The following ITGA1 variants were observed in gnomAD, a reference collection of about 807,000 sequenced individuals.
ITGA1 encodes the protein integrin alpha-1.
A neutral mutation model predicts 145.9 loss-of-function variants in ITGA1; 85 were observed. The ratio of observed to expected loss-of-function variants is 0.58; its 90% CI spans 0.49 to 0.70. The LOEUF (loss-of-function observed/expected upper bound fraction) is 0.70. ITGA1 is among the 30% of genes least tolerant of loss of function. The pLI is 0.00. For missense variants in ITGA1, 1,351 were observed against 1,418.7 expected (o/e 0.95, Z 0.77); for synonymous variants, 520 against 495.3 (o/e 1.05, Z -0.66).
intron 6 of ITGA1, among the ~76,000 whole-genome samples, chr5:52,871,615 T>G (rs577656199): frequency 7.6e-6 from 1 of 132,236 alleles, no homozygotes; most frequent in Non-Finnish European, 1.6e-5. Context: ...AAAACAAAAA[T>G]AAAAAAAAAG....
In ITGA1 at chr5:52,918,806, G is replaced by T. The variant is rs770587927; in HGVS notation, c.2063G>T (p.Cys688Phe). ...PNKVNIQKKN[C>F]HMEGKETVCI... is the part of the protein sequence containing the mutation. ...AAAGTGAATATTCAAAAGAAAAACT[G>T]CCATATGGAGGGAAAGGAAACAGTA... Residue 688 changes from cysteine to phenylalanine, a missense_variant, in exon 16 of 29, where the codon TGC becomes TTC. By Grantham distance (205) the Cys-to-Phe change is radical. Coordinates refer to ENST00000282588, the MANE Select transcript of ITGA1 (RefSeq NM_181501.2). The T allele has an allele frequency of 6.2e-7, 1 of 1,612,550 alleles. No individual in the cohort carries two copies. Among genetic ancestry groups the T allele is most frequent in the Admixed American group, 1.7e-5 (1 of 59,800 alleles).
chr5:52,828,558 G>T (rs1749005527), intron 1 of ITGA1, among the ~76,000 whole-genome samples: 1 of 152,126 alleles, frequency 6.6e-6, no homozygotes, highest in South Asian at 2.1e-4. Flanking sequence ...GACTCAAGAG[G>T]ACTTTAGTTG....
intron 7 of ITGA1, among the ~76,000 whole-genome samples, chr5:52,883,748 TTTAA>T (rs1750002660): frequency 6.6e-6 from 1 of 152,188 alleles, no homozygotes; most frequent in Non-Finnish European, 1.5e-5. Flanking sequence ...CTTGATATAT[TTTAA>T]TTTTTTAAAG....
At chr5:52,935,751 C>T (rs1277743815) in intron 23 of ITGA1, among the ~76,000 whole-genome samples, 1 of 152,090 alleles carries the variant, frequency 6.6e-6, no homozygotes, top group Non-Finnish European at 1.5e-5. Flanking sequence ...TAGCATAATA[C>T]ATTTTACAGA....
At chr5:52,861,991 G>A (rs184661470) in intron 3 of ITGA1, among the ~76,000 whole-genome samples, 69 of 152,134 alleles carry the variant, frequency 4.5e-4, no homozygotes, top group African/African-American at 1.3e-3. Context: ...GCCGAGGCAG[G>A]CGGATCACCT....
intron 26 of ITGA1, among the ~76,000 whole-genome samples, chr5:52,942,972 C>A (rs1751077007): frequency 6.6e-6 from 1 of 152,058 alleles, no homozygotes; most frequent in Non-Finnish European, 1.5e-5. Flanking sequence ...AGTTTTTTGG[C>A]AGAGTCTTAA....
Position 52,855,723 on chromosome 5 carries a change from A to G in ITGA1, c.183-5724A>G, listed in dbSNP as rs376562490. Among the ~76,000 whole-genome samples, 12 of 152,286 alleles carry G rather than the reference A, an allele frequency of 7.9e-5. No individual in the cohort carries two copies. The East Asian group carries it at 1.7e-3, about 22-fold the overall frequency. ...CCTGAAATTCTGTAAACCCTATGCT[A>G]ATACTTTTCTAGGATCTTGTTATTT... On this transcript the variant is annotated intron_variant, in intron 2 of 28. Coordinates refer to ENST00000282588, the MANE Select transcript of ITGA1 (RefSeq NM_181501.2).
At chr5:52,871,455 G>A (rs995663786) in intron 6 of ITGA1, among the ~76,000 whole-genome samples, 6 of 151,982 alleles carry the variant, frequency 3.9e-5, no homozygotes, top group Non-Finnish European at 5.9e-5. Flanking sequence ...TTTGTTTGCT[G>A]TATTGATTAG....
intron 24 of ITGA1, 149 bp from the exon 25 acceptor site, chr5:52,939,441 C>T (rs1579731107): frequency 1.6e-6 from 1 of 608,024 alleles, no homozygotes; most frequent in Non-Finnish European, 2.9e-6. Flanking sequence ...TGGTGCATAA[C>T]AACCTTTCCC....
At chr5:52,847,593 C>T (rs527997887) in intron 1 of ITGA1, among the ~76,000 whole-genome samples, 2 of 152,110 alleles carry the variant, frequency 1.3e-5, no homozygotes, top group African/African-American at 2.4e-5. Context: ...TTCTCTGTTG[C>T]CCAGGCTGGA....
At chr5:52,946,454 G>A (rs1751137054) in intron 27 of ITGA1, among the ~76,000 whole-genome samples, 2 of 152,238 alleles carry the variant, frequency 1.3e-5, no homozygotes, top group South Asian at 4.2e-4. Context: ...TCACCTACCT[G>A]GAGTGATTTG....
At chr5:52,861,060 A>G (rs760836944) in intron 2 of ITGA1, among the ~76,000 whole-genome samples, 8 of 152,164 alleles carry the variant, frequency 5.3e-5, no homozygotes, top group Non-Finnish European at 1.0e-4. Context: ...GACTTAGCCA[A>G]TAATTATTGA....
chr5:52,899,487 A>G (rs1750281627), intron 11 of ITGA1, among the ~76,000 whole-genome samples: 1 of 152,198 alleles, frequency 6.6e-6, no homozygotes. Context: ...AACTGCATGA[A>G]TGAAAGTCCA....
intron 26 of ITGA1, 56 bp from the exon 27 acceptor site, chr5:52,944,887 T>G: frequency 8.5e-7 from 1 of 1,174,948 alleles, no homozygotes; most frequent in Non-Finnish European, 1.3e-6. Flanking sequence ...CAAACATGAC[T>G]AGCTCTCATT....
In ITGA1 at chr5:52,955,715, A is replaced by G. The variant is rs1004198419; in HGVS notation, c.*3264A>G. The stretch of plus-strand genomic sequence containing the variant: ...AGTCCTGTGATACACATTACAAAAG[A>G]TGACACTTTGTAAATATTTTGAACT... On this transcript the variant is annotated 3_prime_UTR_variant, in exon 29 of 29. Transcript: ENST00000282588. 6.6e-6 allele frequency: 1 copy of G among 152,316 alleles called. No homozygotes were observed. The highest frequency in any genetic ancestry group is 1.5e-5 in the Non-Finnish European group (1 of 68,022). The allele number at this position is 152,316 out of a possible 1,614,324, so 9.4% of individuals were successfully genotyped here. A position where few individuals can be genotyped will look rare whatever the true frequency, so the allele number is the denominator to read the frequency against.
chr5:52,907,120 T>G (rs1049787428), intron 12 of ITGA1, among the ~76,000 whole-genome samples: 1 of 152,204 alleles, frequency 6.6e-6, no homozygotes, highest in Admixed American at 6.5e-5. Flanking sequence ...TTGCTTAGCC[T>G]TAGTGGTAAA....
At chr5:52,946,116 T>A (rs1207382626) in intron 27 of ITGA1, among the ~76,000 whole-genome samples, 1 of 152,206 alleles carries the variant, frequency 6.6e-6, no homozygotes, top group East Asian at 1.9e-4. Flanking sequence ...AAAAATTATA[T>A]CTATATTGAT....
intron 6 of ITGA1, among the ~76,000 whole-genome samples, chr5:52,875,816 A>G (rs1040822097): frequency 6.6e-6 from 1 of 152,004 alleles, no homozygotes; most frequent in Non-Finnish European, 1.5e-5. Context: ...TCTCTATCCA[A>G]CTTCCACCAT....
At chr5:52,876,553 A>C (rs1186865919) in intron 6 of ITGA1, among the ~76,000 whole-genome samples, 1 of 151,814 alleles carries the variant, frequency 6.6e-6, no homozygotes, top group African/African-American at 2.4e-5. Context: ...ACTTCGTTGT[A>C]TCTCTCTTTT....
Sources: allele counts gnomAD v4.1 joint callset (sites outside exome capture counted in the v4.1 genomes callset), GRCh38; gene constraint gnomAD v4.1.1; transcripts MANE v1.5; gene names NCBI Gene and HGNC (gene_info 2026-07-23, HGNC 2026-07-21).